The following TMC8 variants were observed in gnomAD, a reference collection of about 807,000 sequenced individuals.
The protein encoded by TMC8 is transmembrane channel-like protein 8.
TMC8 carries 71 observed loss-of-function variants against 76.0 expected under a neutral mutation model. That is an observed-to-expected ratio of 0.93 (90% confidence interval 0.77 to 1.14). The LOEUF (loss-of-function observed/expected upper bound fraction) is 1.14. Among genes scored for constraint, TMC8 ranks in the 50% most tolerant of loss-of-function variants. The probability of loss-of-function intolerance (pLI) is 0.00; values close to 1 mark genes in which losing one functional copy is unlikely to be tolerated. For synonymous variants in TMC8, 433 were observed against 433.8 expected (o/e 1.00, Z 0.02); for missense variants, 924 against 947.9 (o/e 0.97, Z 0.33).
intron 9 of TMC8, among the ~76,000 whole-genome samples, chr17:78,135,525 C>G (rs539888570): frequency 3.0e-4 from 45 of 152,276 alleles, no homozygotes; most frequent in African/African-American, 1.1e-3. Flanking sequence ...CTCAAGCGAT[C>G]CTCCCGCCGG....
In TMC8 at chr17:78,137,353, T is replaced by C; in HGVS notation, c.1246T>C (p.Tyr416His). 1 of 1,613,948 alleles carries C rather than the reference T, an allele frequency of 6.2e-7. No individual in the cohort carries two copies. The highest frequency in any genetic ancestry group is 8.5e-7 in the Non-Finnish European group (1 of 1,179,992). Residue 416 changes from tyrosine (Y) to histidine (H), a missense_variant, in exon 10 of 16, where the codon TAT (tyrosine) becomes CAT (histidine). Physicochemically the swap from Tyr to His is moderately conservative, Grantham distance 83 (BLOSUM62 2). Coordinates refer to ENST00000318430, the MANE Select transcript of TMC8 (RefSeq NM_152468.5). ...GTCCTACGGCTACAACGTTTGTGAC[T>C]ATCAGGTGGCTGGCAGCCCGGCGGG... ...CESYGYNVCDYQCWENSVGEE... is the reference protein window; with the variant it reads ...CESYGYNVCDHQCWENSVGEE...
chr17:78,137,341 A>G lies in TMC8; in HGVS notation c.1234A>G (p.Asn412Asp), dbSNP rs1203473515. The G allele has an allele frequency of 3.1e-6, 5 of 1,613,990 alleles. No homozygotes were observed. The South Asian group carries it at 5.5e-5, about 18-fold the overall frequency. The part of the protein sequence containing the change: ...DKSSCESYGY[N>D]VCDYQCWENS... ...GAGCAGCTGTGAGTCCTACGGCTACAACGTTTGTGACTATCAGGTGGCTGG... is the reference window on the plus strand; with the variant it reads ...GAGCAGCTGTGAGTCCTACGGCTACGACGTTTGTGACTATCAGGTGGCTGG... The change falls in exon 10 of 16, where the codon AAC becomes GAC. Residue 412 changes from asparagine (N) to aspartate (D), a missense_variant. By Grantham distance (23) the Asn-to-Asp change is conservative. Coordinates refer to ENST00000318430, the MANE Select transcript of TMC8 (RefSeq NM_152468.5).
chr17:78,132,555 C>T lies in TMC8; in HGVS notation c.448+47C>T. 5.0e-6 allele frequency: 8 copies of T among 1,585,046 alleles called. No individual in the cohort carries two copies. In the South Asian group the frequency reaches 5.6e-5, roughly 11 times the overall value. On this transcript the variant is annotated intron_variant, in intron 4 of 15. Coordinates refer to ENST00000318430, the MANE Select transcript of TMC8 (RefSeq NM_152468.5). ...GGAAGTGCTCCGGTGCCCACCTGCG[C>T]CATGGGGGGGCTGGCCCAGGGCCCA...
chr17:78,132,773 C>A lies in TMC8; in HGVS notation c.449-15C>A. On this transcript the variant is annotated splice_polypyrimidine_tract_variant and intron_variant, in intron 4 of 15. Transcript: ENST00000318430. Reference sequence around the variant, plus strand: ...TTGGGGATCCCTCTCTATTGACCCCCTTCCTCCTCAACAGCCCTCCAGTGC... The same window carrying A: ...TTGGGGATCCCTCTCTATTGACCCCATTCCTCCTCAACAGCCCTCCAGTGC... 1.2e-6 allele frequency: 2 copies of A among 1,614,064 alleles called. No homozygotes were observed. Among genetic ancestry groups the A allele is most frequent in the South Asian group, 2.2e-5 (2 of 91,064 alleles).
Position 78,138,448 on chromosome 17 carries a change from G to A in TMC8, c.1633G>A (p.Ala545Thr). The change falls in exon 13 of 16, where the codon GCT (alanine) becomes ACT (threonine). Residue 545 changes from alanine (A) to threonine (T), a missense_variant. By Grantham distance (58) the Ala-to-Thr change is moderately conservative (BLOSUM62 0). Coordinates refer to ENST00000318430, the MANE Select transcript of TMC8 (RefSeq NM_152468.5). ...AGTGCTCCTCCTGGGCCTGCTTCTG[G>A]CTGCAGTGCCCCTGGGCTATGTGGT... is the stretch of plus-strand genomic sequence containing the variant. The part of the protein sequence containing the change: ...QLVLLLGLLL[A>T]AVPLGYVVSS... 6.2e-7 allele frequency: 1 copy of A among 1,613,204 alleles called. No individual in the cohort carries two copies.
rs529362335 is a variant in TMC8, at chr17:78,141,321, A to T, written c.*209A>T. 7.6e-6 allele frequency: 3 copies of T among 396,894 alleles called. No individual in the cohort carries two copies. The South Asian group carries it at 3.2e-4, about 43-fold the overall frequency. 24.6% of individuals were successfully genotyped at this position (396,894 alleles called of 1,614,324 possible). On this transcript the variant is annotated 3_prime_UTR_variant, in exon 16 of 16. Coordinates refer to ENST00000318430, the MANE Select transcript of TMC8 (RefSeq NM_152468.5). Reference sequence around the variant, plus strand: ...TTAATCTCATCCCTTTAAAATGTCTATTTTTTATTGTGTTTTTTATAATAT... The same window carrying T: ...TTAATCTCATCCCTTTAAAATGTCTTTTTTTTATTGTGTTTTTTATAATAT...
rs1307614694 is a variant in TMC8, at chr17:78,134,936, C to T, written c.1054C>T (p.Pro352Ser). 1.9e-6 allele frequency: 3 copies of T among 1,614,146 alleles called. No individual in the cohort carries two copies. Among genetic ancestry groups the T allele is most frequent in the Non-Finnish European group, 1.7e-6 (2 of 1,180,014 alleles). ...CATCGCCCTGGTCAACTTCCTGGGTCCCCTGCTGTTCACATTTCTGGTCCA... is the reference window on the plus strand; with the variant it reads ...CATCGCCCTGGTCAACTTCCTGGGTTCCCTGCTGTTCACATTTCTGGTCCA... ...GVIALVNFLGPLLFTFLVQLE... is the reference protein window; with the variant it reads ...GVIALVNFLGSLLFTFLVQLE... The change falls in exon 9 of 16, where the codon CCC becomes TCC. Residue 352 changes from proline to serine, a missense_variant. By Grantham distance (74) the Pro-to-Ser change is moderately conservative. Transcript: ENST00000318430.
At chr17:78,136,403 A>G (rs1425408081) in intron 9 of TMC8, among the ~76,000 whole-genome samples, 1 of 152,112 alleles carries the variant, frequency 6.6e-6, no homozygotes, top group African/African-American at 2.4e-5. Context: ...CCAGGAGGTC[A>G]AGGCTACAGG....
At position 78,133,521 on chromosome 17, in the gene TMC8, G is replaced by C; in HGVS notation, c.647G>C (p.Cys216Ser). ...LLSPLACLLL[C>S]FCGTLRRMVK... ...AGCCCGCTGGCCTGCCTGCTCCTCTGCTTCTGTGGGACTCTGCGGCGGTGA... is the reference window on the plus strand; with the variant it reads ...AGCCCGCTGGCCTGCCTGCTCCTCTCCTTCTGTGGGACTCTGCGGCGGTGA... Residue 216 changes from cysteine to serine, a missense_variant, in exon 6 of 16, where the codon TGC (cysteine) becomes TCC (serine). Physicochemically the swap from Cys to Ser is moderately radical, Grantham distance 112 (BLOSUM62 -1). Transcript: ENST00000318430. The C allele has an allele frequency of 6.2e-7, 1 of 1,613,148 alleles. No homozygotes were observed. Among genetic ancestry groups the C allele is most frequent in the African/African-American group, 1.3e-5 (1 of 75,040 alleles).
Position 78,131,581 on chromosome 17 carries a change from C to T in TMC8, c.-8C>T. The T allele has an allele frequency of 6.5e-7, 1 of 1,543,852 alleles. No individual in the cohort carries two copies. The highest frequency in any genetic ancestry group is 8.7e-7 in the Non-Finnish European group (1 of 1,146,612). On this transcript the variant is annotated 5_prime_UTR_variant, in exon 2 of 16. Coordinates refer to ENST00000318430, the MANE Select transcript of TMC8 (RefSeq NM_152468.5). ...CCGGCGCCCCAGCCTCTACCCGTGC[C>T]CGCCGAGATGCTGCTGCCGCGGTCG...
In TMC8 at chr17:78,139,237, G is replaced by T; in HGVS notation, c.1899G>T (p.Val633=). ...RAIHRLRKQL[V]WQVQEKWHLV... The stretch of plus-strand genomic sequence containing the variant: ...TCCACAGGCTCCGGAAGCAGCTGGT[G>T]TGGGTGAGTGTCCTCGGGGCTGGTG... Residue 633 remains valine (V), a synonymous_variant, in exon 15 of 16, where the codon GTG becomes GTT. Transcript: ENST00000318430. 6.2e-7 allele frequency: 1 copy of T among 1,613,488 alleles called. No individual in the cohort carries two copies. Among genetic ancestry groups the T allele is most frequent in the Non-Finnish European group, 8.5e-7 (1 of 1,180,012 alleles).
In TMC8 at chr17:78,139,186, C is replaced by T. The variant is rs532559156; in HGVS notation, c.1848C>T (p.Ser616=). ...MLSLVLTVCV[S]QTQANARAIH... Reference sequence around the variant, plus strand: ...GCCTTGTCCTGACGGTGTGCGTCTCCCAGACCCAGGCCAATGCCAGGGCCA... The same window carrying T: ...GCCTTGTCCTGACGGTGTGCGTCTCTCAGACCCAGGCCAATGCCAGGGCCA... The change falls in exon 15 of 16, where the codon TCC becomes TCT. Residue 616 remains serine (S), a synonymous_variant. Coordinates refer to ENST00000318430, the MANE Select transcript of TMC8 (RefSeq NM_152468.5). 9.3e-6 allele frequency: 15 copies of T among 1,613,710 alleles called. No homozygotes were observed. The highest frequency in any genetic ancestry group is 6.7e-5 in the East Asian group (3 of 44,884).
Position 78,141,114 on chromosome 17 carries a change from C to G in TMC8, c.*2C>G. On this transcript the variant is annotated 3_prime_UTR_variant, in exon 16 of 16. Transcript: ENST00000318430. ...TTCCCCAGCGGCGCGGAGCTGTAACCCCTACCCCTGCCTCCCCGAAGCCTC... is the reference window on the plus strand; with the variant it reads ...TTCCCCAGCGGCGCGGAGCTGTAACGCCTACCCCTGCCTCCCCGAAGCCTC... The G allele has an allele frequency of 6.4e-7, 1 of 1,554,940 alleles. No individual in the cohort carries two copies. Among genetic ancestry groups the G allele is most frequent in the Non-Finnish European group, 8.6e-7 (1 of 1,158,290 alleles).
chr17:78,132,633 C>T, intron 4 of TMC8, 125 bp downstream of exon 4: 1 of 1,499,178 alleles, frequency 6.7e-7, no homozygotes, highest in Non-Finnish European at 9.1e-7. Flanking sequence ...CCGGGGCTCT[C>T]TCTCCCTGAC....
intron 4 of TMC8, 66 bp downstream of exon 4, chr17:78,132,574 G>C: frequency 6.4e-7 from 1 of 1,565,982 alleles, no homozygotes; most frequent in South Asian, 1.1e-5. Flanking sequence ...GGCTGGCCCA[G>C]GGCCCAGAGC....
chr17:78,134,145 G>C, intron 7 of TMC8, 145 bp downstream of exon 7: 1 of 1,287,964 alleles, frequency 7.8e-7, no homozygotes, highest in Non-Finnish European at 1.1e-6. Context: ...CTGTGGGAGC[G>C]TGATGGAGAG....
rs761629634 is a variant in TMC8 at position 78,137,984 on chromosome 17, TG to T, written c.1350-19del. On this transcript the variant is annotated intron_variant, in intron 11 of 15. Transcript: ENST00000318430. ...GCATCTGTCTGGAGTGGTGAGTACC[TG>T]GACCCTCCCATCCCTGCAGGCTGCT... 5 of 1,613,278 alleles carry T rather than the reference TG, an allele frequency of 3.1e-6. No individual in the cohort carries two copies. In the East Asian group the frequency reaches 1.1e-4, roughly 36 times the overall value.
At chr17:78,134,244 T>G (rs1203951061) in intron 7 of TMC8, 150 bp from the exon 8 acceptor site, 11 of 1,104,654 alleles carry the variant, frequency 1.0e-5, no homozygotes, top group Non-Finnish European at 1.5e-5. Context: ...TGTGTGAATC[T>G]GAGTGTCTAT....
At position 78,132,842 on chromosome 17, in the gene TMC8, A is replaced by G. The variant is rs765373712; in HGVS notation, c.503A>G (p.Asn168Ser). Residue 168 changes from asparagine to serine, a missense_variant, in exon 5 of 16, where the codon AAT becomes AGT. Coordinates refer to ENST00000318430, the MANE Select transcript of TMC8 (RefSeq NM_152468.5). ...QSPPGVLRFH[N>S]QLWHVLTGRA... ...CCGCCTGGCGTTTTGAGGTTCCACA[A>G]TCAACTTTGGCATGTTTTGACTGGC... 53 of 1,614,010 alleles carry G rather than the reference A, an allele frequency of 3.3e-5. No homozygotes were observed. The highest frequency in any genetic ancestry group is 4.3e-5 in the Non-Finnish European group (51 of 1,180,006).
Sources: allele counts gnomAD v4.1 joint callset (sites outside exome capture counted in the v4.1 genomes callset), GRCh38; gene constraint gnomAD v4.1.1; transcripts MANE v1.5; gene names NCBI Gene and HGNC (gene_info 2026-07-23, HGNC 2026-07-21).